MROH1: variants seen among roughly 807,000 people sequenced by gnomAD.
MROH1 encodes maestro heat-like repeat-containing protein family member 1.
A neutral mutation model predicts 116.5 loss-of-function variants in MROH1; 117 were observed. The observed-to-expected ratio is 1.00, with a 90% confidence interval of 0.86 to 1.17. MROH1 has a LOEUF of 1.17. Ranked by LOEUF, MROH1 falls within the 50% of genes most tolerant of loss-of-function variation. The pLI is 0.00. For synonymous variants in MROH1, 921 were observed against 583.9 expected, an observed-to-expected ratio of 1.58 and a Z score of -8.32; for missense variants, 1,873 against 1,338.5, an observed-to-expected ratio of 1.40 and a Z score of -6.23.
chr8:144,164,689 C>T lies in MROH1; in HGVS notation c.22+841C>T, dbSNP rs528398391. 3.9e-5 allele frequency among the ~76,000 whole-genome samples: 6 copies of T among 152,158 alleles called. No homozygotes were observed. In the South Asian group the frequency reaches 8.3e-4, roughly 21 times the overall value. On this transcript the variant is annotated intron_variant, in intron 3 of 43. Coordinates refer to ENST00000326134, the MANE Select transcript of MROH1 (RefSeq NM_032450.3). ...CTGGGATTATAGGCATGAGCCACTG[C>T]GCCCGGCCTGGACTGACTGTTGAAT...
rs1222073548 is a variant in MROH1 at position 144,213,161 on chromosome 8, CCTT to C, written c.1142-7435_1142-7433del. On this transcript the variant is annotated intron_variant, in intron 12 of 43. Coordinates refer to ENST00000326134, the MANE Select transcript of MROH1 (RefSeq NM_032450.3). The stretch of plus-strand genomic sequence containing the variant: ...TACATCCCGTGCTCTCCCTTCTCTG[CCTT>C]CTTGGTGTTGGTTCTGCGGGCGACT... 4 of 746,260 alleles carry C rather than the reference CCTT, an allele frequency of 5.4e-6. 1 individual carries two copies. In the South Asian group the frequency reaches 5.4e-5, roughly 10 times the overall value. The allele number at this position is 746,260 out of a possible 1,614,324, so 46.2% of individuals were successfully genotyped here.
At chr8:144,151,213 A>T (rs1397769540) in intron 1 of MROH1, among the ~76,000 whole-genome samples, 1 of 134,830 alleles carries the variant, frequency 7.4e-6, no homozygotes, top group Non-Finnish European at 1.5e-5. Context: ...GCGCCATTGC[A>T]TTCCAGCCTG....
At position 144,168,431 on chromosome 8, in the gene MROH1, G is replaced by T; in HGVS notation, c.159G>T (p.Gln53His). The T allele has an allele frequency of 1.2e-6, 2 of 1,607,266 alleles. No individual in the cohort carries two copies. The highest frequency in any genetic ancestry group is 1.7e-6 in the Non-Finnish European group (2 of 1,177,492). The change falls in exon 4 of 44, where the codon CAG becomes CAT. Residue 53 changes from glutamine to histidine, a missense_variant. Coordinates refer to ENST00000326134, the MANE Select transcript of MROH1 (RefSeq NM_032450.3). The stretch of plus-strand genomic sequence containing the variant: ...GTGCCTGCGAGGAGTATCTGCGGCA[G>T]CATGACAAGGTATGTGTGCTCCTTG... ...TLRACEEYLRQHDKLAHPYRA... is the reference protein window; with the variant it reads ...TLRACEEYLRHHDKLAHPYRA...
At chr8:144,172,319 G>A (rs368163545) in intron 4 of MROH1, among the ~76,000 whole-genome samples, 12 of 151,992 alleles carry the variant, frequency 7.9e-5, no homozygotes, top group African/African-American at 2.4e-4. Context: ...CTTCATCTAC[G>A]TAACAAGAAC....
At chr8:144,169,349 G>A (rs1161985289) in intron 4 of MROH1, among the ~76,000 whole-genome samples, 2 of 152,084 alleles carry the variant, frequency 1.3e-5, no homozygotes, top group Non-Finnish European at 2.9e-5. Context: ...CCACTGCCGT[G>A]GCCTGGCGGC....
chr8:144,232,923 C>T (rs919332046), intron 14 of MROH1, among the ~76,000 whole-genome samples: 2 of 151,648 alleles, frequency 1.3e-5, no homozygotes, highest in African/African-American at 2.4e-5. Flanking sequence ...ACCTCGCAGG[C>T]TCAAGCAGTC....
At chr8:144,154,465 A>G (rs1384954478) in intron 1 of MROH1, among the ~76,000 whole-genome samples, 3 of 152,054 alleles carry the variant, frequency 2.0e-5, no homozygotes, top group African/African-American at 7.2e-5. Context: ...ACTAAACCTG[A>G]TGAAGAATGT....
At position 144,245,141 on chromosome 8, in the gene MROH1, G is replaced by A. The variant is rs951246177; in HGVS notation, c.2767-15G>A. ...GCCCTCTGAGCAGTACCTGTGTGAC[G>A]CCCCTCTTCCTCAGCACCTGAGCCC... is the stretch of plus-strand genomic sequence containing the variant. On this transcript the variant is annotated splice_polypyrimidine_tract_variant and intron_variant, in intron 28 of 43. Coordinates refer to ENST00000326134, the MANE Select transcript of MROH1 (RefSeq NM_032450.3). 5 of 778,628 alleles carry A rather than the reference G, an allele frequency of 6.4e-6. No homozygotes were observed. The highest frequency in any genetic ancestry group is 3.4e-5 in the African/African-American group (2 of 59,098). 48.2% of individuals were successfully genotyped at this position (778,628 alleles called of 1,614,324 possible).
At chr8:144,248,301 G>A (rs1046288583) in intron 31 of MROH1, among the ~76,000 whole-genome samples, 37 of 152,044 alleles carry the variant, frequency 2.4e-4, no homozygotes, top group African/African-American at 7.7e-4. Context: ...ATTGCATTAC[G>A]GGGGGGAAAA....
intron 12 of MROH1, among the ~76,000 whole-genome samples, chr8:144,215,370 C>T (rs888221502): frequency 6.6e-6 from 1 of 152,200 alleles, no homozygotes; most frequent in Non-Finnish European, 1.5e-5. Context: ...GATGGGCTTA[C>T]TGAAGAGCTG....
chr8:144,158,609 C>T (rs1370549947), intron 1 of MROH1, among the ~76,000 whole-genome samples: 1 of 152,046 alleles, frequency 6.6e-6, no homozygotes, highest in East Asian at 1.9e-4. Context: ...CTTTTTAGAC[C>T]CATGCGTTAT....
rs1025986466 is a variant in MROH1, at chr8:144,248,640, G to T, written c.3121-237G>T. Among the ~76,000 whole-genome samples, 14 of 152,200 alleles carry T rather than the reference G, an allele frequency of 9.2e-5. 1 individual carries two copies. Among genetic ancestry groups the T allele is most frequent in the African/African-American group, 2.9e-4 (12 of 41,456 alleles). On this transcript the variant is annotated intron_variant, in intron 31 of 43. Coordinates refer to ENST00000326134, the MANE Select transcript of MROH1 (RefSeq NM_032450.3). ...GTGACCCCAGCCCTGCAGCTGCCCA[G>T]GCACCACCTTCCAGGAGCCCGCCCA...
chr8:144,261,439 C>A (rs940843354), intron 43 of MROH1, 90 bp downstream of exon 43: 1 of 699,824 alleles, frequency 1.4e-6, no homozygotes, highest in Non-Finnish European at 2.6e-6. Flanking sequence ...GATTTCAGGA[C>A]TTTTTCCCTG....
chr8:144,166,707 C>G (rs1295120864), intron 3 of MROH1, among the ~76,000 whole-genome samples: 1 of 151,612 alleles, frequency 6.6e-6, no homozygotes, highest in African/African-American at 2.4e-5. Flanking sequence ...ACAAGTGGGG[C>G]TGGGGCGCCG....
intron 4 of MROH1, chr8:144,174,763 G>T: frequency 1.1e-6 from 1 of 910,174 alleles, no homozygotes. Context: ...GGTTACAGGT[G>T]TGAGCCACTG....
At chr8:144,172,294 G>GC (rs1300438502) in intron 4 of MROH1, among the ~76,000 whole-genome samples, 5 of 152,114 alleles carry the variant, frequency 3.3e-5, no homozygotes, top group Non-Finnish European at 5.9e-5. Flanking sequence ...ATCTCTGAAG[G>GC]CTGCTATCTG....
intron 14 of MROH1, among the ~76,000 whole-genome samples, chr8:144,230,998 G>C (rs1443555263): frequency 7.2e-6 from 1 of 139,420 alleles, no homozygotes; most frequent in Non-Finnish European, 1.5e-5. Context: ...AGATTAGGGA[G>C]TGGTGATGAC....
At position 144,182,499 on chromosome 8, in the gene MROH1, T is replaced by A. The variant is rs894250749; in HGVS notation, c.562+1976T>A. Among the ~76,000 whole-genome samples the A allele has an allele frequency of 6.6e-6, 1 of 152,192 alleles. No homozygotes were observed. The highest frequency in any genetic ancestry group is 1.5e-5 in the Non-Finnish European group (1 of 68,036). ...TCCTCAGGAAAATAAGTGGGCATCA[T>A]GCATTCACGGGACAAGAGGTGTCAC... On this transcript the variant is annotated intron_variant, in intron 7 of 43. Transcript: ENST00000326134. The surrounding 1 kb of genome is among the most constrained non-coding windows in gnomAD (Gnocchi z 4.1).
intron 35 of MROH1, among the ~76,000 whole-genome samples, chr8:144,257,354 G>A (rs1844071949): frequency 6.6e-6 from 1 of 152,126 alleles, no homozygotes; most frequent in Non-Finnish European, 1.5e-5. Flanking sequence ...GTCAGCACCA[G>A]ACCACCCAGG....
Sources: gnomAD v4.1 joint callset for allele counts (sites outside exome capture counted in the v4.1 genomes callset) on GRCh38, gnomAD v4.1.1 for gene constraint, Gnocchi (gnomAD v3.1) non-coding constraint, MANE v1.5 for transcripts, NCBI Gene and HGNC (gene_info 2026-07-23, HGNC 2026-07-21) for gene names.